ANO1: variants seen among roughly 807,000 people sequenced by gnomAD.
The protein encoded by ANO1 is anoctamin-1.
ANO1 carries 59 observed loss-of-function variants against 124.0 expected under a neutral mutation model. That is an observed-to-expected ratio of 0.48 (90% CI 0.39 to 0.59). The LOEUF (loss-of-function observed/expected upper bound fraction) is 0.59, where lower values mean the gene tolerates loss of function less well. Ranked by LOEUF, ANO1 falls within the 20% of genes least tolerant of loss-of-function variation. The pLI, the probability that ANO1 is intolerant of heterozygous loss-of-function variation, is 0.00. For missense variants in ANO1, 1,059 were observed against 1,328.0 expected (o/e 0.80, Z 3.15); for synonymous variants, 529 against 532.0 (o/e 0.99, Z 0.08).
chr11:70,109,970 G>A (rs2045705194), intron 6 of ANO1, among the ~76,000 whole-genome samples: 1 of 152,098 alleles, frequency 6.6e-6, no homozygotes, highest in Non-Finnish European at 1.5e-5. Context: ...CGCAAGTGCT[G>A]AGGATTCCCG....
chr11:70,161,331 T>C lies in ANO1; in HGVS notation c.1749T>C (p.Tyr583=), dbSNP rs1324545784. Residue 583 remains tyrosine, a synonymous_variant, in exon 17 of 26, where the codon TAT becomes TAC. Transcript: ENST00000355303. ...LVVIILLDEV[Y]GCIARWLTKI... Reference sequence around the variant, plus strand: ...TCATCATCCTCCTGGACGAGGTGTATGGCTGCATAGCCCGATGGCTCACCA... The same window carrying C: ...TCATCATCCTCCTGGACGAGGTGTACGGCTGCATAGCCCGATGGCTCACCA... 2 of 1,613,868 alleles carry C rather than the reference T, an allele frequency of 1.2e-6. No individual in the cohort carries two copies. The highest frequency in any genetic ancestry group is 1.3e-5 in the African/African-American group (1 of 74,944).
intron 1 of ANO1, among the ~76,000 whole-genome samples, chr11:70,070,938 C>T (rs1157295605): frequency 3.3e-5 from 5 of 152,188 alleles, no homozygotes; most frequent in Admixed American, 6.5e-5. Context: ...TGCTCCCCAG[C>T]GCTGCCAGCC....
intron 1 of ANO1, among the ~76,000 whole-genome samples, chr11:70,021,293 A>G (rs1555002605): frequency 6.6e-6 from 1 of 152,178 alleles, no homozygotes; most frequent in African/African-American, 2.4e-5. Flanking sequence ...CCTAAACTCC[A>G]AATGCCAACG....
At chr11:70,029,097 T>G (rs782274213) in intron 1 of ANO1, among the ~76,000 whole-genome samples, 1 of 152,180 alleles carries the variant, frequency 6.6e-6, no homozygotes, top group Admixed American at 6.5e-5. Flanking sequence ...CCTAAGTTTC[T>G]TGAAGGCAGG....
chr11:70,171,079 C>G (rs200240295), intron 22 of ANO1, 40 bp downstream of exon 22: 1 of 1,595,624 alleles, frequency 6.3e-7, no homozygotes, highest in Non-Finnish European at 8.5e-7. Context: ...GTTCCGAGTG[C>G]GTGCTGGGTT....
intron 5 of ANO1, 146 bp downstream of exon 5, chr11:70,105,934 G>A (rs893521815): frequency 1.2e-6 from 1 of 849,256 alleles, no homozygotes; most frequent in South Asian, 1.6e-5. Flanking sequence ...GAAAGGGAGA[G>A]GGCAACGAGG....
At position 70,062,160 on chromosome 11, in the gene ANO1, T is replaced by A. The variant is rs141213752; in HGVS notation, c.59-16382T>A. On this transcript the variant is annotated intron_variant, in intron 1 of 27. Coordinates refer to the ANO1 transcript ENST00000531349. ...GGTGCAATCTTGGCTCACTGCAACC[T>A]CTGCCTCTGAGGTTCAAGCGATTCT... is the stretch of plus-strand genomic sequence containing the variant. Among the ~76,000 whole-genome samples the A allele has an allele frequency of 3.0e-3, 411 of 134,832 alleles. 3 individuals carry two copies. The highest frequency in any genetic ancestry group is 0.011 in the African/African-American group (385 of 36,632). 88.5% of individuals were successfully genotyped at this position (134,832 alleles called of 152,430 possible).
intron 1 of ANO1, among the ~76,000 whole-genome samples, chr11:70,054,385 C>A (rs915919740): frequency 1.3e-5 from 2 of 152,212 alleles, no homozygotes; most frequent in Non-Finnish European, 2.9e-5. Flanking sequence ...GGGCTGTGGT[C>A]AGACCTTGGA....
intron 1 of ANO1, among the ~76,000 whole-genome samples, chr11:70,066,228 GATA>G (rs1857714348): frequency 6.6e-6 from 1 of 152,228 alleles, no homozygotes; most frequent in African/African-American, 2.4e-5. Context: ...TGACAGCTGT[GATA>G]ATAAACAGTG....
rs545167806 is a variant in ANO1 at position 70,134,418 on chromosome 11, C to T, written c.1258+2339C>T. ...CTATAGCGCCCCCGGGGCTCAGACT[C>T]CCGCTCTGCCAGTTCCCACCTCACT... On this transcript the variant is annotated intron_variant, in intron 11 of 25. Coordinates refer to ENST00000355303, the MANE Select transcript of ANO1 (RefSeq NM_018043.7). Among the ~76,000 whole-genome samples the T allele has an allele frequency of 3.6e-4, 55 of 152,326 alleles. No individual in the cohort carries two copies. In the South Asian group the frequency reaches 4.6e-3, roughly 13 times the overall value.
At chr11:70,018,048 A>G (rs1248443415) in intron 1 of ANO1, among the ~76,000 whole-genome samples, 2 of 152,134 alleles carry the variant, frequency 1.3e-5, no homozygotes, top group African/African-American at 2.4e-5. Flanking sequence ...ACAAAAATGC[A>G]GGCTTTGCTC....
intron 11 of ANO1, among the ~76,000 whole-genome samples, chr11:70,135,249 T>C (rs1007817227): frequency 1.3e-5 from 2 of 152,132 alleles, no homozygotes; most frequent in Admixed American, 6.5e-5. Context: ...AGACTCCCTG[T>C]AGCCACTTCT....
intron 1 of ANO1, among the ~76,000 whole-genome samples, chr11:70,040,138 C>T (rs1032048646): frequency 7.2e-5 from 11 of 152,034 alleles, no homozygotes; most frequent in Admixed American, 2.6e-4. Flanking sequence ...AATCTGGCAG[C>T]GGATACCAAA....
chr11:70,113,751 C>G (rs2039569931), intron 7 of ANO1, among the ~76,000 whole-genome samples: 1 of 152,096 alleles, frequency 6.6e-6, no homozygotes, highest in Admixed American at 6.5e-5. Context: ...GAGAAATGAA[C>G]GTATCTGAGC....
chr11:70,040,575 C>T (rs550401252), intron 1 of ANO1, among the ~76,000 whole-genome samples: 1 of 152,180 alleles, frequency 6.6e-6, no homozygotes, highest in South Asian at 2.1e-4. Context: ...CTTGGGAGGC[C>T]GAGACATGAC....
the ANO1 span, among the ~76,000 whole-genome samples, chr11:69,969,779 T>G: frequency 2.0e-5 from 3 of 152,030 alleles, no homozygotes; most frequent in African/African-American, 7.2e-5. Flanking sequence ...AAACCCCGTC[T>G]TTACTAAAAA....
intron 11 of ANO1, among the ~76,000 whole-genome samples, chr11:70,137,438 G>A (rs1004368018): frequency 5.8e-5 from 2 of 34,304 alleles, no homozygotes; most frequent in African/African-American, 1.5e-4. Context: ...CGCCATCACC[G>A]CTGTCTGCTG....
intron 10 of ANO1, among the ~76,000 whole-genome samples, chr11:70,127,988 C>T (rs974562418): frequency 1.1e-4 from 16 of 152,176 alleles, no homozygotes; most frequent in African/African-American, 3.4e-4. Flanking sequence ...CCACTCCTGC[C>T]AAGTATCTCT....
At chr11:70,068,591 G>A (rs1424677477) in intron 1 of ANO1, among the ~76,000 whole-genome samples, 4 of 152,182 alleles carry the variant, frequency 2.6e-5, no homozygotes, top group South Asian at 4.1e-4. Flanking sequence ...GCTTGGAGAC[G>A]TGAGCCAGGA....
Sources: allele counts gnomAD v4.1 joint callset (sites outside exome capture counted in the v4.1 genomes callset), GRCh38; gene constraint gnomAD v4.1.1; transcripts MANE v1.5; gene names NCBI Gene and HGNC (gene_info 2026-07-23, HGNC 2026-07-21).